CACNA1A: variants seen among roughly 807,000 people sequenced by gnomAD.
CACNA1A encodes the protein calcium voltage-gated channel subunit alpha1 A.
In CACNA1A, 57 loss-of-function variants were observed where a neutral mutation model predicts 262.4. The observed-to-expected ratio is 0.22, with a 90% CI of 0.18 to 0.27. The LOEUF (loss-of-function observed/expected upper bound fraction) is 0.27. Among genes scored for constraint, CACNA1A ranks in the 10% least tolerant of loss-of-function variants. The probability of loss-of-function intolerance (pLI) is 1.00; values close to 1 mark genes in which losing one functional copy is unlikely to be tolerated. For missense variants in CACNA1A, 2,526 were observed against 3,562.8 expected, an observed-to-expected ratio of 0.71 and a Z score of 7.41; for synonymous variants, 1,431 against 1,419.3, an observed-to-expected ratio of 1.01 and a Z score of -0.18.
In CACNA1A at chr19:13,296,693, T is replaced by A. The variant is rs116025066; in HGVS notation, c.3089+1851A>T. ...GCATGAGCCACCACATCCCGCTGCA[T>A]CCAAAGCTTTGAAACTCTGCTCTCC... On this transcript the variant is annotated intron_variant, in intron 19 of 46. Coordinates refer to ENST00000360228, the MANE Select transcript of CACNA1A (RefSeq NM_001127222.2). 7.0e-3 allele frequency among the ~76,000 whole-genome samples: 1,050 copies of A among 151,054 alleles called. 9 individuals are homozygous for A. Among genetic ancestry groups the A allele is most frequent in the African/African-American group, 0.024 (996 of 41,092 alleles).
In CACNA1A at chr19:13,374,752, A is replaced by T. The variant is rs570569088; in HGVS notation, c.540-2973T>A. 1.1e-4 allele frequency among the ~76,000 whole-genome samples: 16 copies of T among 152,328 alleles called. No individual in the cohort carries two copies. In the South Asian group the frequency reaches 1.5e-3, roughly 14 times the overall value. The stretch of plus-strand genomic sequence containing the variant: ...TAAGTCCTTAGTATTTCACTTCACA[A>T]ACATCAACTGAGCACTAATAACAAG... On this transcript the variant is annotated intron_variant, in intron 3 of 46. Transcript: ENST00000360228.
rs2057770729 is a variant in CACNA1A, at chr19:13,300,780, C to T, written c.2173-124G>A. 6 of 766,418 alleles carry T rather than the reference C, an allele frequency of 7.8e-6. No individual in the cohort carries two copies. In the Admixed American group the frequency reaches 1.2e-4, roughly 15 times the overall value. 47.5% of individuals were successfully genotyped at this position (766,418 alleles called of 1,614,324 possible). A position where few individuals can be genotyped will look rare whatever the true frequency, so the allele number is the denominator to read the frequency against. On this transcript the variant is annotated intron_variant, in intron 17 of 46. Transcript: ENST00000360228. ...TCGACCAATCAGAACCAAGGCTCCC[C>T]AATTGGAATGGGTACCTGCTATTGG...
At chr19:13,240,603 C>T (rs992500945) in intron 31 of CACNA1A, among the ~76,000 whole-genome samples, 6 of 141,726 alleles carry the variant, frequency 4.2e-5, no homozygotes, top group Admixed American at 7.0e-5. Context: ...ACTGTGTGTG[C>T]GCAGTGATTG....
Position 13,461,617 on chromosome 19 carries a change from G to C in CACNA1A, c.294-6405C>G, listed in dbSNP as rs2061126138. ...AAAGGTTTCACTGGGTAGTCGAGCT[G>C]GGGGGCAGGCGAGGCTTTCTCAGCC... On this transcript the variant is annotated intron_variant, in intron 1 of 46. Coordinates refer to ENST00000360228, the MANE Select transcript of CACNA1A (RefSeq NM_001127222.2). Among the ~76,000 whole-genome samples, 4 of 152,312 alleles carry C rather than the reference G, an allele frequency of 2.6e-5. No individual in the cohort carries two copies. In the South Asian group the frequency reaches 8.3e-4, roughly 32 times the overall value.
intron 22 of CACNA1A, among the ~76,000 whole-genome samples, chr19:13,278,210 T>A (rs1333703021): frequency 6.6e-6 from 1 of 151,738 alleles, no homozygotes; most frequent in Non-Finnish European, 1.5e-5. Flanking sequence ...CTTACAATCC[T>A]CCGTGGCTCC....
chr19:13,489,877 C>T (rs1191628520), intron 1 of CACNA1A, among the ~76,000 whole-genome samples: 1 of 152,162 alleles, frequency 6.6e-6, no homozygotes, highest in Non-Finnish European at 1.5e-5. Flanking sequence ...GTTGTATCTC[C>T]TGTCACCTCC....
chr19:13,433,918 C>T (rs2060565568), intron 3 of CACNA1A, among the ~76,000 whole-genome samples: 1 of 152,186 alleles, frequency 6.6e-6, no homozygotes, highest in South Asian at 2.1e-4. Flanking sequence ...TCAGCAACCT[C>T]TACTCCATGT....
intron 18 of CACNA1A, 139 bp downstream of exon 18, chr19:13,300,411 G>A (rs2057764068): frequency 1.5e-5 from 10 of 655,044 alleles, no homozygotes; most frequent in South Asian, 1.5e-4. Context: ...TTGAGTGAAA[G>A]TGGGTGGAAG....
intron 25 of CACNA1A, chr19:13,261,897 C>T: frequency 6.2e-6 from 2 of 321,050 alleles, no homozygotes; most frequent in Non-Finnish European, 1.2e-5. Context: ...AAAGTTACTT[C>T]CTTTCCAACT....
intron 22 of CACNA1A, among the ~76,000 whole-genome samples, chr19:13,282,300 C>CT (rs1471262894): frequency 1.3e-5 from 2 of 149,432 alleles, no homozygotes; most frequent in African/African-American, 2.4e-5. Context: ...AGAAAACACA[C>CT]TTTTTTGGCT....
intron 17 of CACNA1A, 154 bp downstream of exon 17, chr19:13,303,392 A>C: frequency 3.5e-6 from 2 of 578,738 alleles, no homozygotes; most frequent in Non-Finnish European, 6.1e-6. Flanking sequence ...GTGGGGGGAG[A>C]GGCGCCTTCT....
chr19:13,273,710 A>C (rs2057079113), intron 24 of CACNA1A: 1 of 152,076 alleles, frequency 6.6e-6, no homozygotes, highest in Non-Finnish European at 1.5e-5. Context: ...ATAAAGCATA[A>C]TATTCTAAAT....
At chr19:13,338,092 G>A (rs1568549034) in intron 6 of CACNA1A, among the ~76,000 whole-genome samples, 1 of 152,150 alleles carries the variant, frequency 6.6e-6, no homozygotes, top group African/African-American at 2.4e-5. Flanking sequence ...CTGGTGACGG[G>A]CGCCTGTAGC....
chr19:13,436,534 CTCAT>C lies in CACNA1A; in HGVS notation c.539+16338_539+16341del, dbSNP rs1436862184. Among the ~76,000 whole-genome samples, 4 of 133,876 alleles carry C rather than the reference CTCAT, an allele frequency of 3.0e-5. 1 individual carries two copies. The highest frequency in any genetic ancestry group is 2.4e-4 in the East Asian group (1 of 4,158). 87.8% of individuals were successfully genotyped at this position (133,876 alleles called of 152,430 possible). ...ATTCACTCATTCATTCATTCACTCA[CTCAT>C]TCATTCACTCATTCATTCATCCACT... On this transcript the variant is annotated intron_variant, in intron 3 of 46. Transcript: ENST00000360228.
intron 22 of CACNA1A, among the ~76,000 whole-genome samples, chr19:13,281,859 G>T (rs1341823334): frequency 6.6e-6 from 1 of 152,206 alleles, no homozygotes; most frequent in Non-Finnish European, 1.5e-5. Context: ...AGTCCCTGGG[G>T]CCTGGTCTGA....
At chr19:13,330,219 A>T (rs1438302034) in intron 10 of CACNA1A, 25 bp downstream of exon 10, 17 of 1,494,994 alleles carry the variant, frequency 1.1e-5, no homozygotes, top group Non-Finnish European at 1.5e-5. Context: ...TGAACAACTG[A>T]TAGGTGGCAG....
chr19:13,437,710 A>G (rs1295744486), intron 3 of CACNA1A, among the ~76,000 whole-genome samples: 4 of 150,378 alleles, frequency 2.7e-5, no homozygotes, highest in East Asian at 1.9e-4. Flanking sequence ...AAAAAAAAAA[A>G]AAAAGAAACA....
At chr19:13,356,272 A>T (rs2059006083) in intron 6 of CACNA1A, among the ~76,000 whole-genome samples, 1 of 152,166 alleles carries the variant, frequency 6.6e-6, no homozygotes, top group South Asian at 2.1e-4. Flanking sequence ...AGTTCTAAAC[A>T]CTTCATGCGA....
chr19:13,221,254 G>T (rs2055220371), intron 38 of CACNA1A, among the ~76,000 whole-genome samples: 1 of 7,082 alleles, frequency 1.4e-4, no homozygotes, highest in Non-Finnish European at 2.4e-4. Flanking sequence ...TTTTTTTTGA[G>T]ACAGAGTCTT....
Sources: gnomAD v4.1 joint callset for allele counts (sites outside exome capture counted in the v4.1 genomes callset) on GRCh38, gnomAD v4.1.1 for gene constraint, MANE v1.5 for transcripts, NCBI Gene and HGNC (gene_info 2026-07-23, HGNC 2026-07-21) for gene names.